CAPRIN2: variants seen among roughly 807,000 people sequenced by gnomAD.
CAPRIN2 encodes caprin-2.
Under a neutral mutation model 130.4 loss-of-function variants are expected in CAPRIN2, and 66 were observed. The observed-to-expected ratio is 0.51, with a 90% CI of 0.42 to 0.62. CAPRIN2 has a LOEUF of 0.62. CAPRIN2 is among the 20% of genes least tolerant of loss of function. The pLI, the probability that CAPRIN2 is intolerant of heterozygous loss-of-function variation, is 0.00. For missense variants in CAPRIN2, 1,185 were observed against 1,246.6 expected (o/e 0.95, Z 0.74); for synonymous variants, 471 against 444.1 (o/e 1.06, Z -0.76).
exon 10 of CAPRIN2, chr12:30,724,444 A>T (rs1241658826): frequency 1.9e-6 from 3 of 1,605,716 alleles, no homozygotes; most frequent in Non-Finnish European, 2.6e-6. Context: ...AAAGTCAAGA[A>T]CAGACTCCTA....
Position 30,753,335 on chromosome 12 carries a change from A to G in CAPRIN2, c.420+9T>C. ...CATGCATCTACAGGACTGGAAGAAAAAAAGTTACCTTCTTTTTCTCGATGT... is the reference window on the plus strand; with the variant it reads ...CATGCATCTACAGGACTGGAAGAAAGAAAGTTACCTTCTTTTTCTCGATGT... On this transcript the variant is annotated intron_variant, in intron 1 of 16. Transcript: ENST00000298892. 6.3e-7 allele frequency: 1 copy of G among 1,599,062 alleles called. No individual in the cohort carries two copies. Among genetic ancestry groups the G allele is most frequent in the Non-Finnish European group, 8.5e-7 (1 of 1,171,838 alleles).
rs2075010665 is a variant in CAPRIN2 at position 30,753,606 on chromosome 12, G to A, written c.158C>T (p.Ser53Leu). 1.9e-6 allele frequency: 3 copies of A among 1,614,180 alleles called. No homozygotes were observed. The highest frequency in any genetic ancestry group is 2.2e-5 in the East Asian group (1 of 44,882). ...AAAGAGTTGCACCATTGAAACAGAT[G>A]AGGCTGAAGGAGGTGGGGGAAAGTT... The change falls in exon 1 of 17, where the codon TCA becomes TTA. Residue 53 changes from serine (S) to leucine (L), a missense_variant. By Grantham distance (145) the Ser-to-Leu change is moderately radical (BLOSUM62 -2). Coordinates refer to ENST00000298892, the Ensembl canonical transcript of CAPRIN2.
chr12:30,731,406 C>G, exon 6 of CAPRIN2: 1 of 1,613,112 alleles, frequency 6.2e-7, no homozygotes, highest in Non-Finnish European at 8.5e-7. Flanking sequence ...ATTAGCATTT[C>G]TTCCTCCAGT....
chr12:30,730,139 C>G, intron 7 of CAPRIN2, 100 bp downstream of exon 8: 6 of 943,316 alleles, frequency 6.4e-6, no homozygotes, highest in African/African-American at 1.6e-5. Context: ...AACCAGGGTT[C>G]AAGCTCAGGC....
At chr12:30,715,246 A>C in intron 13 of CAPRIN2, 105 bp from the exon 16 acceptor site, 1 of 862,566 alleles carries the variant, frequency 1.2e-6, no homozygotes. Context: ...GCTGCCTTTA[A>C]AAATAAATAG....
At position 30,719,946 on chromosome 12, in the gene CAPRIN2, G is replaced by A. The variant is rs567267762; in HGVS notation, c.2148+865C>T. The A allele has an allele frequency of 8.5e-5, 13 of 152,164 alleles. No individual in the cohort carries two copies. In the East Asian group the frequency reaches 2.5e-3, roughly 29 times the overall value. 9.4% of individuals were successfully genotyped at this position (152,164 alleles called of 1,614,324 possible). On this transcript the variant is annotated intron_variant, in intron 12 of 16. Coordinates refer to ENST00000298892, the Ensembl canonical transcript of CAPRIN2. ...AATGAATACATATTCTTCTATAACA[G>A]TTAACAAAAAATACCTGATAGTTGC... is the stretch of plus-strand genomic sequence containing the variant.
intron 2 of CAPRIN2, among the ~76,000 whole-genome samples, chr12:30,745,110 T>C (rs910331337): frequency 2.0e-5 from 3 of 152,198 alleles, no homozygotes; most frequent in Admixed American, 6.5e-5. Flanking sequence ...ACATTACTTA[T>C]TGAGTTTACT....
chr12:30,727,263 T>C (rs939181859), intron 8 of CAPRIN2, among the ~76,000 whole-genome samples: 22 of 152,196 alleles, frequency 1.4e-4, no homozygotes, highest in Non-Finnish European at 4.4e-5. Flanking sequence ...AAGCTGACAA[T>C]CTTCTGTAGG....
exon 8 of CAPRIN2, chr12:30,728,880 G>T (rs2061725397): frequency 1.2e-6 from 2 of 1,614,096 alleles, no homozygotes; most frequent in Non-Finnish European, 1.7e-6. Context: ...CTGCATGGAA[G>T]GTGTCCAAGA....
chr12:30,749,455 A>C (rs1368727355), intron 2 of CAPRIN2, among the ~76,000 whole-genome samples: 1 of 152,230 alleles, frequency 6.6e-6, no homozygotes, highest in Non-Finnish European at 1.5e-5. Flanking sequence ...GTGAGGCAGA[A>C]GTAATTACTA....
At chr12:30,728,576 C>G in intron 8 of CAPRIN2, 72 bp downstream of exon 9, 2 of 1,081,728 alleles carry the variant, frequency 1.8e-6, no homozygotes, top group Non-Finnish European at 2.6e-6. Context: ...AAAAAGAGAA[C>G]TAAAAAGTCA....
At chr12:30,738,600 C>T (rs1403064007) in intron 3 of CAPRIN2, among the ~76,000 whole-genome samples, 3 of 152,026 alleles carry the variant, frequency 2.0e-5, no homozygotes, top group African/African-American at 7.2e-5. Flanking sequence ...CAAAAGAAAC[C>T]ATCAACAGAG....
intron 13 of CAPRIN2, chr12:30,715,825 A>G (rs2057366111): frequency 5.8e-6 from 1 of 171,126 alleles, no homozygotes; most frequent in Admixed American, 5.7e-5. Context: ...AGTAGAGGGG[A>G]GAACAGAATC....
exon 8 of CAPRIN2, chr12:30,729,303 G>T: frequency 6.4e-7 from 1 of 1,565,408 alleles, no homozygotes; most frequent in Non-Finnish European, 8.6e-7. Context: ...ATCTACTTCT[G>T]TCATATAGCG....
At chr12:30,735,269 A>G (rs2064219243) in intron 3 of CAPRIN2, 63 bp from the exon 5 acceptor site, 2 of 1,262,118 alleles carry the variant, frequency 1.6e-6, no homozygotes. Context: ...AGCAATACGT[A>G]TCTACAAAGT....
chr12:30,752,737 G>GT (rs1298685160), intron 1 of CAPRIN2, among the ~76,000 whole-genome samples: 15 of 151,034 alleles, frequency 9.9e-5, no homozygotes, highest in Admixed American at 5.9e-4. Flanking sequence ...GAAGAGAAAC[G>GT]TAATACAGCA....
intron 3 of CAPRIN2, among the ~76,000 whole-genome samples, chr12:30,735,829 GA>G (rs937762559): frequency 8.3e-4 from 127 of 152,208 alleles, no homozygotes; most frequent in African/African-American, 3.0e-3. Flanking sequence ...AACAGATACA[GA>G]AAATCAATGG....
intron 7 of CAPRIN2, 39 bp from the exon 9 acceptor site, chr12:30,729,364 T>C (rs1200731472): frequency 1.1e-5 from 15 of 1,428,132 alleles, no homozygotes; most frequent in Middle Eastern, 1.9e-4. Context: ...ACAAAATTCA[T>C]AGAAGACCTT....
chr12:30,731,155 A>G (rs937263834), intron 6 of CAPRIN2, among the ~76,000 whole-genome samples, 188 bp downstream of exon 7: 9 of 152,144 alleles, frequency 5.9e-5, no homozygotes, highest in African/African-American at 2.2e-4. Context: ...AATAAGTTTC[A>G]CTCGGTAAAT....
Sources: gnomAD v4.1 joint callset for allele counts (sites outside exome capture counted in the v4.1 genomes callset) on GRCh38, gnomAD v4.1.1 for gene constraint, MANE v1.5 for transcripts, NCBI Gene and HGNC (gene_info 2026-07-23, HGNC 2026-07-21) for gene names.